Variants in ARAF observed in about 807,000 individuals in gnomAD.
ARAF encodes serine/threonine-protein kinase A-Raf.
Under a neutral mutation model 48.0 loss-of-function variants are expected in ARAF, and 18 were observed. The ratio of observed to expected loss-of-function variants is 0.37; its 90% CI spans 0.26 to 0.56. ARAF has a LOEUF of 0.56. Ranked by LOEUF, ARAF falls within the 20% of genes least tolerant of loss-of-function variation. The pLI is 0.77. For synonymous variants in ARAF, 207 were observed against 220.1 expected (o/e 0.94, Z 0.53); for missense variants, 389 against 543.1 (o/e 0.72, Z 2.82).
chrX:47,564,463 C>T (rs1306174736), intron 3 of ARAF, among the ~76,000 whole-genome samples: 1 of 112,188 alleles, frequency 8.9e-6, no homozygotes, highest in African/African-American at 3.2e-5. Flanking sequence ...GCCTCCTCAG[C>T]CCCCTTTTCA....
chrX:47,566,020 A>G (rs2147904933), intron 6 of ARAF: 1 of 117,786 alleles, frequency 8.5e-6, no homozygotes, highest in African/African-American at 3.2e-5. Flanking sequence ...TCATTTCAGG[A>G]TAGTGAAGGG....
In ARAF at chrX:47,571,304, C is replaced by A. The variant is rs749678414; in HGVS notation, c.1687-19C>A. The A allele has an allele frequency of 5.0e-6, 6 of 1,202,979 alleles. No individual in the cohort carries two copies. Among genetic ancestry groups the A allele is most frequent in the Non-Finnish European group, 6.7e-6 (6 of 890,931 alleles). ...CCACAGGGCTCTGGACACCCCTCCT[C>A]ACCCCCACCTGCCCTCAGATCCTGG... On this transcript the variant is annotated intron_variant, in intron 15 of 15. Transcript: ENST00000377045.
In ARAF at chrX:47,569,921, C is replaced by T. The variant is rs1415064804; in HGVS notation, c.1448C>T (p.Pro483Leu). 2.5e-6 allele frequency: 3 copies of T among 1,204,375 alleles called. No individual in the cohort carries two copies. The highest frequency in any genetic ancestry group is 3.0e-5 in the East Asian group (1 of 33,395). The change falls in exon 14 of 16, where the codon CCG becomes CTG. Residue 483 changes from proline to leucine, a missense_variant. Transcript: ENST00000377045. ...GCTGAGGTGATCCGTATGCAGGACC[C>T]GAACCCCTACAGCTTCCAGTCAGAC... is the stretch of plus-strand genomic sequence containing the variant. ...MAAEVIRMQD[P>L]NPYSFQSDVY... is the part of the protein sequence containing the mutation.
chrX:47,569,044 G>A lies in ARAF; in HGVS notation c.1300+11G>A, dbSNP rs768334456. The A allele has an allele frequency of 5.0e-6, 6 of 1,195,063 alleles. No homozygotes were observed. The highest frequency in any genetic ancestry group is 6.8e-6 in the Non-Finnish European group (6 of 886,945). On this transcript the variant is annotated intron_variant, in intron 12 of 15. Coordinates refer to ENST00000377045, the MANE Select transcript of ARAF (RefSeq NM_001654.5). ...ATCTCAAGTCTAACAGTATCTATCTGTCCCTGGGCTGGGGTTGAGTGGGGG... is the reference window on the plus strand; with the variant it reads ...ATCTCAAGTCTAACAGTATCTATCTATCCCTGGGCTGGGGTTGAGTGGGGG...
intron 3 of ARAF, among the ~76,000 whole-genome samples, chrX:47,563,708 T>TA (rs2057720273): frequency 1.8e-5 from 2 of 112,570 alleles, no homozygotes; most frequent in Middle Eastern, 4.6e-3. Context: ...GATTCTTTCT[T>TA]ACAGTAGATC....
chrX:47,562,587 T>C (rs1023639702), intron 1 of ARAF, among the ~76,000 whole-genome samples: 48 of 109,082 alleles, frequency 4.4e-4, no homozygotes, highest in Admixed American at 1.5e-3. Context: ...GACTTCCCCA[T>C]TGGTCCCCAG....
In ARAF at chrX:47,567,261, A is replaced by T; in HGVS notation, c.905A>T (p.Tyr302Phe). Residue 302 changes from tyrosine to phenylalanine, a missense_variant, in exon 10 of 16, where the codon TAC becomes TTC. This residue lies in a region of ARAF where 170 missense variants were observed against 281.4 expected (regional missense o/e 0.60). Coordinates refer to ENST00000377045, the MANE Select transcript of ARAF (RefSeq NM_001654.5). Reference protein sequence around the residue: ...KNLGYRDSGYYWEVPPSEVQL... With the variant: ...KNLGYRDSGYFWEVPPSEVQL... ...CTGGGGTACCGGGACTCAGGCTATT[A>T]CTGGGAGGTACCACCCAGTGAGGTG... 3 of 1,211,443 alleles carry T rather than the reference A, an allele frequency of 2.5e-6. No homozygotes were observed. Among genetic ancestry groups the T allele is most frequent in the Non-Finnish European group, 2.2e-6 (2 of 895,418 alleles).
chrX:47,569,860 C>T (rs1302769277), intron 13 of ARAF, 33 bp from the exon 14 acceptor site: 15 of 1,194,722 alleles, frequency 1.3e-5, no homozygotes, highest in South Asian at 5.5e-5. Context: ...TGCTGACCTC[C>T]GTGGTCCCCC....
chrX:47,567,008 T>G lies in ARAF; in HGVS notation c.750T>G (p.Ser250Arg). ...STDAAGSRGG[S>R]DGTPRGSPSP... Reference sequence around the variant, plus strand: ...CAGCTGCCGGTAGTAGAGGAGGTAGTGATGGAACCCCCCGGGGGAGCCCCA... The same window carrying G: ...CAGCTGCCGGTAGTAGAGGAGGTAGGGATGGAACCCCCCGGGGGAGCCCCA... The change falls in exon 9 of 16, where the codon AGT (serine) becomes AGG (arginine). Residue 250 changes from serine (S) to arginine (R), a missense_variant. Coordinates refer to ENST00000377045, the MANE Select transcript of ARAF (RefSeq NM_001654.5). 8.3e-7 allele frequency: 1 copy of G among 1,211,495 alleles called. No homozygotes were observed. The highest frequency in any genetic ancestry group is 1.1e-6 in the Non-Finnish European group (1 of 895,409).
intron 10 of ARAF, 151 bp from the exon 11 acceptor site, chrX:47,568,567 A>G (rs1434626842): frequency 1.8e-6 from 1 of 556,754 alleles, no homozygotes; most frequent in African/African-American, 2.3e-5. Flanking sequence ...AAATTCATGG[A>G]ATCTGGCAAT....
intron 1 of ARAF, among the ~76,000 whole-genome samples, chrX:47,562,397 A>G (rs1277935816): frequency 9.5e-6 from 1 of 105,456 alleles, no homozygotes; most frequent in Non-Finnish European, 2.0e-5. Context: ...AGGCGGGAGA[A>G]TGGCTTCAAC....
In ARAF at chrX:47,571,586, AGG is replaced by A; in HGVS notation, c.*133_*134del. On this transcript the variant is annotated 3_prime_UTR_variant, in exon 16 of 16. Transcript: ENST00000377045. Reference sequence around the variant, plus strand: ...CCCCCATTCCCCACCCTGGGAGATGAGGGGGTCCCCATGTGCTTTTCCAGTTC... The same window carrying A: ...CCCCCATTCCCCACCCTGGGAGATGAGGGTCCCCATGTGCTTTTCCAGTTC... 3 of 975,448 alleles carry A rather than the reference AGG, an allele frequency of 3.1e-6. No homozygotes were observed. The highest frequency in any genetic ancestry group is 4.0e-6 in the Non-Finnish European group (3 of 742,556). 80.4% of individuals were successfully genotyped at this position (975,448 alleles called of 1,213,427 possible).
chrX:47,569,370 A>G, intron 12 of ARAF, 169 bp from the exon 13 acceptor site: 1 of 489,222 alleles, frequency 2.0e-6, no homozygotes, highest in Non-Finnish European at 3.5e-6. Context: ...GGGGGGCATT[A>G]GCAGGCGTTC....
chrX:47,569,613 G>A lies in ARAF; in HGVS notation c.1375G>A (p.Gly459Arg), dbSNP rs754787460. 1.7e-6 allele frequency: 2 copies of A among 1,209,886 alleles called. No homozygotes were observed. Among genetic ancestry groups the A allele is most frequent in the Non-Finnish European group, 2.2e-6 (2 of 894,569 alleles). Residue 459 changes from glycine to arginine, a missense_variant, in exon 13 of 16, where the codon GGG becomes AGG. Gly to Arg is a moderately radical substitution (Grantham distance 125). Around this residue, in one of 4 missense-constraint regions of ARAF, gnomAD observed 170 missense variants for 281.4 expected, o/e 0.60. Coordinates refer to ENST00000377045, the MANE Select transcript of ARAF (RefSeq NM_001654.5). ...GGCCACAGTGAAGACTCGATGGAGC[G>A]GGGCCCAGCCCTTGGAGCAGCCCTC... ...GLATVKTRWS[G>R]AQPLEQPSGS...
In ARAF at chrX:47,569,651, G is replaced by A. The variant is rs62636604; in HGVS notation, c.1413G>A (p.Leu471=). The change falls in exon 13 of 16, where the codon CTG becomes CTA. Residue 471 remains leucine, a synonymous_variant. Coordinates refer to ENST00000377045, the MANE Select transcript of ARAF (RefSeq NM_001654.5). ...TGGAGCAGCCCTCAGGATCTGTGCT[G>A]TGGATGGTGAGTTGGGCCAGGCTGG... The part of the protein sequence containing the change: ...QPLEQPSGSV[L]WMAAEVIRMQ... 2.0e-3 allele frequency: 2,385 copies of A among 1,206,455 alleles called. 25 individuals carry two copies. In the African/African-American group the frequency reaches 0.031, roughly 16 times the overall value.
Position 47,571,413 on chromosome X carries a change from G to GAGTT in ARAF, c.1778_1781dup (p.Pro595ValfsTer44), listed in dbSNP as rs764520676. 1.7e-5 allele frequency: 21 copies of GAGTT among 1,207,259 alleles called. No individual in the cohort carries two copies. The East Asian group carries it at 5.3e-4, about 31-fold the overall frequency. ...CTCCTTGCACCGCACCCAGGCCGAT[G>GAGTT]AGTTGCCTGCCTGCCTACTCAGCGC... On this transcript the variant is annotated frameshift_variant, in exon 16 of 16. Transcript: ENST00000377045. LOFTEE classifies it high-confidence loss of function.
Position 47,569,044 on chromosome X carries a change from G to T in ARAF, c.1300+11G>T, listed in dbSNP as rs768334456. On this transcript the variant is annotated intron_variant, in intron 12 of 15. Transcript: ENST00000377045. ...ATCTCAAGTCTAACAGTATCTATCTGTCCCTGGGCTGGGGTTGAGTGGGGG... is the reference window on the plus strand; with the variant it reads ...ATCTCAAGTCTAACAGTATCTATCTTTCCCTGGGCTGGGGTTGAGTGGGGG... The T allele has an allele frequency of 8.4e-7, 1 of 1,195,062 alleles. No individual in the cohort carries two copies. Among genetic ancestry groups the T allele is most frequent in the Admixed American group, 2.3e-5 (1 of 43,565 alleles).
chrX:47,563,234 C>T lies in ARAF; in HGVS notation c.105C>T (p.Val35=). 2 of 1,209,859 alleles carry T rather than the reference C, an allele frequency of 1.7e-6. No homozygotes were observed. The highest frequency in any genetic ancestry group is 2.2e-6 in the Non-Finnish European group (2 of 894,336). Residue 35 remains valine, a synonymous_variant, in exon 3 of 16, where the codon GTC becomes GTT. Transcript: ENST00000377045. ...TCTGCACATACACACAGGTGACTGT[C>T]CGGGATGGCATGAGTGTCTACGACT... ...LPNKQRTVVT[V]RDGMSVYDSL... is the part of the protein sequence containing the mutation.
rs1603046895 is a variant in ARAF at position 47,569,528 on chromosome X, G to A, written c.1301-11G>A. On this transcript the variant is annotated splice_polypyrimidine_tract_variant and intron_variant, in intron 12 of 15. Transcript: ENST00000377045. ...ATTAGGAGTCCCTGTAGTGGTCCTT[G>A]ACCCTGGCGGACATCTTCCTACATG... 8.4e-7 allele frequency: 1 copy of A among 1,196,062 alleles called. No homozygotes were observed. Among genetic ancestry groups the A allele is most frequent in the Non-Finnish European group, 1.1e-6 (1 of 883,219 alleles).
Sources: allele counts gnomAD v4.1 joint callset (sites outside exome capture counted in the v4.1 genomes callset), GRCh38; gene constraint gnomAD v4.1.1; regional missense constraint gnomAD v4.1.1; transcripts MANE v1.5; gene names NCBI Gene and HGNC (gene_info 2026-07-23, HGNC 2026-07-21).